Variants in PUDP observed in about 807,000 individuals in gnomAD.
PUDP encodes pseudouridine 5'-phosphatase, also known as pseudouridine-5'-phosphatase.
A neutral mutation model predicts 9.4 loss-of-function variants in PUDP; 8 were observed. That is an observed-to-expected ratio of 0.85 (90% CI 0.50 to 1.53). PUDP has a LOEUF of 1.53. Among genes scored for constraint, PUDP ranks in the 40% most tolerant of loss-of-function variants. The pLI, the probability that PUDP is intolerant of heterozygous loss-of-function variation, is 0.00. For missense variants in PUDP, 188 were observed against 189.7 expected (o/e 0.99, Z 0.05); for synonymous variants, 99 against 80.7 (o/e 1.23, Z -1.22).
At chrX:6,933,392 T>C (rs1928237936) in intron 3 of PUDP, among the ~76,000 whole-genome samples, 1 of 111,606 alleles carries the variant, frequency 9.0e-6, no homozygotes, top group Admixed American at 9.5e-5. Context: ...AGTGGACCTC[T>C]AGCAAACTCC....
chrX:7,050,315 C>T lies in PUDP; in HGVS notation c.668G>A (p.Gly223Asp). The stretch of plus-strand genomic sequence containing the variant: ...TCCCTCTCACTCATAGGAGGGCAAA[C>T]CAAACAGCTCGGGCTGGAAGTCCTG... ...SLQDFQPELF[G>D]LPSYE Residue 223 changes from glycine to aspartate, a missense_variant, in exon 4 of 4, where the codon GGT becomes GAT. Coordinates refer to ENST00000381077, the MANE Select transcript of PUDP (RefSeq NM_012080.5). 2 of 1,210,970 alleles carry T rather than the reference C, an allele frequency of 1.7e-6. No homozygotes were observed. The highest frequency in any genetic ancestry group is 2.2e-6 in the Non-Finnish European group (2 of 895,071).
intron 3 of PUDP, chrX:7,057,572 G>A: frequency 1.0e-6 from 1 of 1,000,881 alleles, no homozygotes; most frequent in Non-Finnish European, 1.3e-6. Context: ...CTGATGTGGT[G>A]GGTCTTGGGG....
intron 2 of PUDP, chrX:7,085,131 C>A (rs1369511262): frequency 8.9e-6 from 1 of 112,322 alleles, no homozygotes; most frequent in Non-Finnish European, 1.9e-5. Context: ...AGAAAACTTT[C>A]AAGATCTGAT....
chrX:7,145,177 C>T (rs760826917), intron 1 of PUDP, among the ~76,000 whole-genome samples: 3 of 112,209 alleles, frequency 2.7e-5, no homozygotes, highest in Non-Finnish European at 5.6e-5. Flanking sequence ...CAAAGATTTT[C>T]TTATACTGAC....
At chrX:6,824,609 C>G (rs896041698) in intron 3 of PUDP, among the ~76,000 whole-genome samples, 4 of 111,760 alleles carry the variant, frequency 3.6e-5, no homozygotes, top group African/African-American at 6.5e-5. Context: ...TTTGGCTATG[C>G]TCCAGTCTGC....
At chrX:6,822,845 T>C (rs941978995) in intron 3 of PUDP, among the ~76,000 whole-genome samples, 2 of 110,253 alleles carry the variant, frequency 1.8e-5, no homozygotes, top group African/African-American at 6.6e-5. Flanking sequence ...TCTGCTCCTC[T>C]GCTTCCTCTC....
intron 1 of PUDP, among the ~76,000 whole-genome samples, chrX:7,042,676 A>T (rs777214858): frequency 9.1e-6 from 1 of 110,440 alleles, no homozygotes; most frequent in South Asian, 3.9e-4. Context: ...GGTAGACATC[A>T]AAGAGTAGAA....
intron 3 of PUDP, among the ~76,000 whole-genome samples, chrX:6,946,693 A>T (rs1260034737): frequency 9.4e-6 from 1 of 105,996 alleles, no homozygotes; most frequent in Non-Finnish European, 2.0e-5. Flanking sequence ...ATACAGAAAG[A>T]CGTGAATCAT....
intron 3 of PUDP, among the ~76,000 whole-genome samples, chrX:6,757,990 C>T (rs1925188489): frequency 8.9e-6 from 1 of 112,064 alleles, no homozygotes; most frequent in African/African-American, 3.2e-5. Flanking sequence ...GATATCGTTT[C>T]GATGTGGATC....
chrX:6,728,754 G>A (rs908095832), intron 3 of PUDP, among the ~76,000 whole-genome samples: 6 of 111,587 alleles, frequency 5.4e-5, no homozygotes, highest in South Asian at 3.8e-4. Flanking sequence ...TTGTTGCAAC[G>A]AAGTCACCCA....
At chrX:6,804,181 C>T (rs1926010826) in intron 3 of PUDP, among the ~76,000 whole-genome samples, 1 of 111,086 alleles carries the variant, frequency 9.0e-6, no homozygotes, top group South Asian at 3.8e-4. Flanking sequence ...CAGGCACATG[C>T]ATGTATCTCC....
At chrX:6,745,469 A>G (rs1248652604) in intron 3 of PUDP, among the ~76,000 whole-genome samples, 1 of 112,279 alleles carries the variant, frequency 8.9e-6, no homozygotes, top group African/African-American at 3.2e-5. Context: ...GAAAGCTTGG[A>G]GTAAACAACA....
chrX:7,117,043 A>G, intron 1 of PUDP: 1 of 1,166,549 alleles, frequency 8.6e-7, no homozygotes, highest in Non-Finnish European at 1.1e-6. Flanking sequence ...ACCTGCAGAA[A>G]TGTGAGCCAA....
intron 1 of PUDP, among the ~76,000 whole-genome samples, chrX:7,109,475 G>A (rs1931978811): frequency 8.9e-6 from 1 of 112,113 alleles, no homozygotes; most frequent in African/African-American, 3.2e-5. Context: ...AGGAAGAAAG[G>A]AGTGTGGACA....
chrX:7,005,443 T>C (rs1929389835), intron 1 of PUDP, among the ~76,000 whole-genome samples: 2 of 109,738 alleles, frequency 1.8e-5, no homozygotes, highest in Admixed American at 1.9e-4. Flanking sequence ...AGGGTCTGGC[T>C]CTGTTGCCCA....
At chrX:6,850,745 A>G (rs968690391) in intron 3 of PUDP, among the ~76,000 whole-genome samples, 1 of 112,622 alleles carries the variant, frequency 8.9e-6, no homozygotes, top group Non-Finnish European at 1.9e-5. Context: ...ATGTATAGCC[A>G]TGCACATTTG....
At chrX:7,138,589 T>C in intron 1 of PUDP, among the ~76,000 whole-genome samples, 3 of 111,195 alleles carry the variant, frequency 2.7e-5, no homozygotes, top group Middle Eastern at 9.2e-3. Context: ...GCCGGGGTGG[T>C]CTCGAACTCT....
chrX:7,028,813 G>C (rs1929753816), intron 1 of PUDP, among the ~76,000 whole-genome samples: 1 of 111,764 alleles, frequency 8.9e-6, no homozygotes, highest in South Asian at 3.8e-4. Context: ...CACAGACATT[G>C]ATTCTCTTGC....
chrX:6,731,798 G>A (rs1266762701), intron 3 of PUDP, among the ~76,000 whole-genome samples: 1 of 107,489 alleles, frequency 9.3e-6, no homozygotes, highest in African/African-American at 3.4e-5. Context: ...GGAGGGAAGG[G>A]ACGGCGGAAG....
Sources: gnomAD v4.1 joint callset for allele counts (sites outside exome capture counted in the v4.1 genomes callset) on GRCh38, gnomAD v4.1.1 for gene constraint, MANE v1.5 for transcripts, NCBI Gene and HGNC (gene_info 2026-07-23, HGNC 2026-07-21) for gene names.